The following GPC3 variants were observed in gnomAD, a reference collection of about 807,000 sequenced individuals.
The protein encoded by GPC3 is glypican-3.
Under a neutral mutation model 34.4 loss-of-function variants are expected in GPC3, and 3 were observed. That is an observed-to-expected ratio of 0.09 (90% confidence interval 0.04 to 0.23). The LOEUF (loss-of-function observed/expected upper bound fraction) is 0.23, where lower values mean the gene tolerates loss of function less well. Among genes scored for constraint, GPC3 ranks in the 10% least tolerant of loss-of-function variants. GPC3 has a pLI of 1.00. For synonymous variants in GPC3, 177 were observed against 174.0 expected, an observed-to-expected ratio of 1.02 and a Z score of -0.13; for missense variants, 351 against 445.6, an observed-to-expected ratio of 0.79 and a Z score of 1.91.
chrX:133,874,148 T>C (rs748227616), intron 2 of GPC3, among the ~76,000 whole-genome samples: 6 of 112,275 alleles, frequency 5.3e-5, no homozygotes, highest in Middle Eastern at 4.6e-3. Flanking sequence ...TCACCTGCTT[T>C]AACTTTACAA....
intron 5 of GPC3, chrX:133,670,855 G>A (rs1448270100): frequency 7.4e-6 from 2 of 269,996 alleles, no homozygotes; most frequent in South Asian, 6.9e-5. Flanking sequence ...GAAAAGAGCT[G>A]AGATTTGTAA....
chrX:133,617,382 A>T (rs1034659557), intron 6 of GPC3, among the ~76,000 whole-genome samples: 3 of 112,490 alleles, frequency 2.7e-5, no homozygotes, highest in African/African-American at 9.7e-5. Flanking sequence ...CACTCTACAG[A>T]TCCAAAGTTT....
intron 2 of GPC3, among the ~76,000 whole-genome samples, chrX:133,900,428 T>A (rs1438193477): frequency 8.9e-6 from 1 of 111,828 alleles, no homozygotes. Context: ...CTCTACACAC[T>A]TTTTCTTAAG....
chrX:133,681,923 G>A (rs1016444099), intron 5 of GPC3, among the ~76,000 whole-genome samples: 1 of 111,778 alleles, frequency 8.9e-6, no homozygotes, highest in Non-Finnish European at 1.9e-5. Context: ...AATTTACCAG[G>A]GAAACGTCAG....
chrX:133,858,325 C>T (rs1269555106), intron 2 of GPC3, among the ~76,000 whole-genome samples: 1 of 112,184 alleles, frequency 8.9e-6, no homozygotes, highest in Non-Finnish European at 1.9e-5. Flanking sequence ...TCTGGGCCAT[C>T]CAGCTAGAAA....
chrX:133,687,729 C>A (rs886177710), intron 5 of GPC3, among the ~76,000 whole-genome samples: 1 of 111,375 alleles, frequency 9.0e-6, no homozygotes, highest in Non-Finnish European at 1.9e-5. Flanking sequence ...CCTGGCCTAT[C>A]AGATATTAAA....
At chrX:133,620,219 CA>C (rs34399470) in intron 6 of GPC3, among the ~76,000 whole-genome samples, 14,087 of 41,738 alleles carry the variant, frequency 0.34, 2,094 homozygotes, top group African/African-American at 0.6. Flanking sequence ...GACTCTGTCT[CA>C]AAAAAAAAAA....
chrX:133,751,366 T>G (rs1029518622), intron 3 of GPC3, among the ~76,000 whole-genome samples: 9 of 111,873 alleles, frequency 8.0e-5, no homozygotes, highest in Non-Finnish European at 1.5e-4. Context: ...TTTTGTAAAA[T>G]TTACTTTTGC....
At chrX:133,675,539 C>A (rs1381743471) in intron 5 of GPC3, among the ~76,000 whole-genome samples, 1 of 111,614 alleles carries the variant, frequency 9.0e-6, no homozygotes, top group Admixed American at 9.5e-5. Flanking sequence ...ACCTGGCACC[C>A]AGTACCCACT....
intron 1 of GPC3, among the ~76,000 whole-genome samples, chrX:133,965,177 C>A (rs775954388): frequency 1.8e-5 from 2 of 109,663 alleles, no homozygotes; most frequent in South Asian, 4.1e-4. Flanking sequence ...GTCACCCCCC[C>A]CCACCCCCAA....
At chrX:133,668,464 C>A (rs2070791629) in intron 5 of GPC3, among the ~76,000 whole-genome samples, 1 of 111,069 alleles carries the variant, frequency 9.0e-6, no homozygotes, top group African/African-American at 3.3e-5. Context: ...GTGGGCACTG[C>A]CCTGAGTTGC....
chrX:133,637,267 G>T (rs2070436764), intron 6 of GPC3, among the ~76,000 whole-genome samples: 2 of 109,897 alleles, frequency 1.8e-5, no homozygotes, highest in Non-Finnish European at 3.8e-5. Flanking sequence ...CAGGAGTTTG[G>T]TACCAGCCTG....
At chrX:133,602,947 G>A (rs1038733403) in intron 6 of GPC3, among the ~76,000 whole-genome samples, 2 of 110,728 alleles carry the variant, frequency 1.8e-5, no homozygotes, top group Non-Finnish European at 3.8e-5. Flanking sequence ...AATTCAATGT[G>A]TAGCCATAAT....
chrX:133,593,594 G>A (rs2069878069), intron 7 of GPC3, among the ~76,000 whole-genome samples: 1 of 109,911 alleles, frequency 9.1e-6, no homozygotes, highest in African/African-American at 3.3e-5. Context: ...GCTGAGCTGC[G>A]GAGAAAGTAT....
chrX:133,898,640 C>T (rs1333578054), intron 2 of GPC3, among the ~76,000 whole-genome samples: 2 of 111,979 alleles, frequency 1.8e-5, no homozygotes, highest in East Asian at 5.6e-4. Context: ...TTAAACTCAT[C>T]CTTGGGAAAT....
At chrX:133,626,619 C>T (rs2070300189) in intron 6 of GPC3, among the ~76,000 whole-genome samples, 1 of 109,510 alleles carries the variant, frequency 9.1e-6, no homozygotes, top group South Asian at 4.0e-4. Context: ...AATGCGATAC[C>T]ATCTCACACC....
At chrX:133,777,780 A>G (rs2072002827) in intron 2 of GPC3, among the ~76,000 whole-genome samples, 2 of 111,262 alleles carry the variant, frequency 1.8e-5, no homozygotes, top group African/African-American at 6.5e-5. Flanking sequence ...ATTGGTCACA[A>G]GAATCTTTAT....
At position 133,536,196 on chromosome X, in the gene GPC3, G is replaced by A. The variant is rs1487734633; in HGVS notation, c.1671C>T (p.Asn557=). The change falls in exon 8 of 8, where the codon AAC becomes AAT. Residue 557 remains asparagine (N), a synonymous_variant. Transcript: ENST00000370818. ...NEISTFHNLG[N]VHSPLKLLTS... is the part of the protein sequence containing the mutation. The stretch of plus-strand genomic sequence containing the variant: ...TGAGAAGCTTCAGCGGGGAATGAAC[G>A]TTCCCGAGGTTGTGAAAGGTGCTTA... 6 of 1,199,465 alleles carry A rather than the reference G, an allele frequency of 5.0e-6. No individual in the cohort carries two copies. The highest frequency in any genetic ancestry group is 1.8e-5 in the South Asian group (1 of 56,425).
At chrX:133,629,021 T>C (rs1322711380) in intron 6 of GPC3, among the ~76,000 whole-genome samples, 1 of 112,480 alleles carries the variant, frequency 8.9e-6, no homozygotes, top group Non-Finnish European at 1.9e-5. Flanking sequence ...TATACATTCT[T>C]ACATGCTGTG....
Sources: allele counts gnomAD v4.1 joint callset (sites outside exome capture counted in the v4.1 genomes callset), GRCh38; gene constraint gnomAD v4.1.1; transcripts MANE v1.5; gene names NCBI Gene and HGNC (gene_info 2026-07-23, HGNC 2026-07-21).